BMERB1: variants seen among roughly 807,000 people sequenced by gnomAD.
BMERB1 encodes bMERB domain-containing protein 1.
BMERB1 carries 12 observed loss-of-function variants against 23.6 expected under a neutral mutation model. That is an observed-to-expected ratio of 0.51 (90% CI 0.33 to 0.82). The LOEUF (loss-of-function observed/expected upper bound fraction) is 0.82. BMERB1 is among the 40% of genes least tolerant of loss of function. The pLI is 0.03. For synonymous variants in BMERB1, 122 were observed against 96.6 expected (o/e 1.26, Z -1.54); for missense variants, 247 against 255.4 (o/e 0.97, Z 0.22).
At chr16:15,557,074 T>C (rs909380402) in intron 2 of BMERB1, among the ~76,000 whole-genome samples, 1 of 152,194 alleles carries the variant, frequency 6.6e-6, no homozygotes, top group Non-Finnish European at 1.5e-5. Context: ...CCATTTCATG[T>C]CGTTTTCACA....
In BMERB1 at chr16:15,443,022, T is replaced by G. The variant is rs187226494; in HGVS notation, c.106+8263T>G. Among the ~76,000 whole-genome samples the G allele has an allele frequency of 4.7e-5, 7 of 150,454 alleles. No individual in the cohort carries two copies. In the East Asian group the frequency reaches 1.4e-3, roughly 30 times the overall value. On this transcript the variant is annotated intron_variant, in intron 1 of 5. Transcript: ENST00000300006. Reference sequence around the variant, plus strand: ...CAGCACTTTGGGAGGCCGAGGCTGGTGGATCACTTAACATCAGGAGTTCAA... The same window carrying G: ...CAGCACTTTGGGAGGCCGAGGCTGGGGGATCACTTAACATCAGGAGTTCAA...
intron 1 of BMERB1, among the ~76,000 whole-genome samples, chr16:15,504,408 GA>G (rs2051562112): frequency 6.6e-6 from 1 of 151,980 alleles, no homozygotes; most frequent in African/African-American, 2.4e-5. Flanking sequence ...ATGAGGAGTA[GA>G]GGGGAATTCT....
chr16:15,473,855 C>G (rs1028800892), intron 1 of BMERB1, among the ~76,000 whole-genome samples: 1 of 151,946 alleles, frequency 6.6e-6, no homozygotes, highest in Non-Finnish European at 1.5e-5. Context: ...TGCGGTGGCT[C>G]ACGCCTGTAA....
chr16:15,445,698 T>C (rs550943605), intron 1 of BMERB1, among the ~76,000 whole-genome samples: 4 of 152,258 alleles, frequency 2.6e-5, no homozygotes, highest in Admixed American at 2.6e-4. Context: ...GAATGTCACA[T>C]GGGGGGAAAT....
At chr16:15,471,631 T>C (rs1384597926) in intron 1 of BMERB1, among the ~76,000 whole-genome samples, 1 of 152,152 alleles carries the variant, frequency 6.6e-6, no homozygotes, top group Non-Finnish European at 1.5e-5. Context: ...CTGTCTCTTT[T>C]TAGAGATAGG....
chr16:15,542,691 A>G (rs1396791950), intron 2 of BMERB1, among the ~76,000 whole-genome samples: 1 of 147,424 alleles, frequency 6.8e-6, no homozygotes, highest in African/African-American at 2.5e-5. Context: ...CATAAAAAAG[A>G]TATTACAATA....
chr16:15,547,168 T>C (rs1406127817), intron 2 of BMERB1, among the ~76,000 whole-genome samples: 1 of 150,228 alleles, frequency 6.7e-6, no homozygotes, highest in Non-Finnish European at 1.5e-5. Context: ...TGCGCCACCA[T>C]GCCCAGCTAA....
chr16:15,583,551 C>T (rs1306722722), intron 5 of BMERB1, among the ~76,000 whole-genome samples: 2 of 138,344 alleles, frequency 1.4e-5, no homozygotes, highest in Non-Finnish European at 3.0e-5. Flanking sequence ...GCACTCCAGC[C>T]TGGGTGACAG....
At chr16:15,528,165 G>T (rs895309915) in intron 2 of BMERB1, among the ~76,000 whole-genome samples, 7 of 152,134 alleles carry the variant, frequency 4.6e-5, no homozygotes, top group African/African-American at 1.7e-4. Flanking sequence ...CAGTTCTGGA[G>T]TCTGGCTGGG....
intron 2 of BMERB1, among the ~76,000 whole-genome samples, chr16:15,567,441 C>T (rs950669535): frequency 1.3e-5 from 2 of 152,048 alleles, no homozygotes; most frequent in South Asian, 2.1e-4. Context: ...GGAGCTCTAT[C>T]GAGGTGTTAT....
At position 15,586,868 on chromosome 16, in the gene BMERB1, CCA is replaced by C; in HGVS notation, c.*41_*42del. ...TGCCCTGGGCCATGGGGACCCCCCC[CCA>C]CCCTCTTGTCTTTATAGCCCCCATT... is the stretch of plus-strand genomic sequence containing the variant. On this transcript the variant is annotated 3_prime_UTR_variant, in exon 6 of 6. Coordinates refer to ENST00000300006, the MANE Select transcript of BMERB1 (RefSeq NM_033201.3). 1.5e-6 allele frequency: 2 copies of C among 1,332,776 alleles called. No homozygotes were observed. The highest frequency in any genetic ancestry group is 1.5e-5 in the African/African-American group (1 of 68,838). The allele number at this position is 1,332,776 out of a possible 1,614,324, so 82.6% of individuals were successfully genotyped here. A position where few individuals can be genotyped will look rare whatever the true frequency, so the allele number is the denominator to read the frequency against.
At chr16:15,547,713 C>T (rs761614701) in intron 2 of BMERB1, among the ~76,000 whole-genome samples, 49 of 152,052 alleles carry the variant, frequency 3.2e-4, no homozygotes, top group Non-Finnish European at 5.4e-4. Context: ...TGGAGGCCTG[C>T]GTTAGTGAGA....
At chr16:15,543,513 G>A (rs1324119280) in intron 2 of BMERB1, among the ~76,000 whole-genome samples, 1 of 152,064 alleles carries the variant, frequency 6.6e-6, no homozygotes, top group Non-Finnish European at 1.5e-5. Context: ...ATTGCCAGGT[G>A]TGAGGTGGGC....
chr16:15,503,001 C>G (rs1259786411), intron 1 of BMERB1, among the ~76,000 whole-genome samples: 1 of 152,168 alleles, frequency 6.6e-6, no homozygotes, highest in African/African-American at 2.4e-5. Context: ...GATGTCTAGG[C>G]ACTACACCAA....
intron 1 of BMERB1, among the ~76,000 whole-genome samples, chr16:15,468,635 G>T (rs989930282): frequency 6.6e-6 from 1 of 152,058 alleles, no homozygotes; most frequent in Admixed American, 6.6e-5. Flanking sequence ...TTAGAATTTT[G>T]TTTTTGGTTT....
At chr16:15,584,615 G>A (rs1191610325) in intron 5 of BMERB1, among the ~76,000 whole-genome samples, 1 of 151,446 alleles carries the variant, frequency 6.6e-6, no homozygotes, top group Non-Finnish European at 1.5e-5. Context: ...ACTGGTCTAA[G>A]CAAAAAAAGG....
At chr16:15,446,609 A>G (rs546614266) in intron 1 of BMERB1, among the ~76,000 whole-genome samples, 41 of 152,172 alleles carry the variant, frequency 2.7e-4, no homozygotes, top group Non-Finnish European at 5.0e-4. Context: ...CACTCCACTG[A>G]TAAGTGGTAG....
At chr16:15,477,744 A>G (rs1405108331) in intron 1 of BMERB1, among the ~76,000 whole-genome samples, 1 of 151,176 alleles carries the variant, frequency 6.6e-6, no homozygotes, top group African/African-American at 2.4e-5. Context: ...TAGTGGTTCC[A>G]GGTCAGAGGC....
chr16:15,556,135 G>A (rs936271202), intron 2 of BMERB1, among the ~76,000 whole-genome samples: 2 of 150,994 alleles, frequency 1.3e-5, no homozygotes, highest in Non-Finnish European at 2.9e-5. Flanking sequence ...CCAAGATCCC[G>A]CCATTGCACT....
Sources: allele counts gnomAD v4.1 joint callset (sites outside exome capture counted in the v4.1 genomes callset), GRCh38; gene constraint gnomAD v4.1.1; transcripts MANE v1.5; gene names NCBI Gene and HGNC (gene_info 2026-07-23, HGNC 2026-07-21).